Variants in NOMO1 observed in about 807,000 individuals in gnomAD.
NOMO1 encodes NODAL modulator 1.
A neutral mutation model predicts 133.8 loss-of-function variants in NOMO1; 40 were observed. The ratio of observed to expected loss-of-function variants is 0.30; its 90% CI spans 0.23 to 0.39. The LOEUF (loss-of-function observed/expected upper bound fraction) is 0.39. NOMO1 is among the 10% of genes least tolerant of loss of function. The pLI is 1.00. For missense variants in NOMO1, 462 were observed against 1,419.9 expected (o/e 0.33, Z 10.84); for synonymous variants, 236 against 570.5 (o/e 0.41, Z 8.36).
intron 9 of NOMO1, among the ~76,000 whole-genome samples, chr16:14,854,768 CA>C (rs1190928617): frequency 6.7e-6 from 1 of 148,614 alleles, no homozygotes; most frequent in Non-Finnish European, 1.5e-5. Context: ...AGGGTGGAGA[CA>C]GGGGTTGCAG....
Position 14,866,631 on chromosome 16 carries a change from A to T in NOMO1, c.1746A>T (p.Ala582=), listed in dbSNP as rs566062971. ...EVEVLEDDMS[A]VEFRQTGYML... ...AAGTGCTGGAGGATGACATGTCTGC[A>T]GTTGAGTTCAGGCAGACGGGCTACA... The change falls in exon 15 of 31, where the codon GCA becomes GCT. Residue 582 remains alanine, a synonymous_variant. Coordinates refer to ENST00000287667, the MANE Select transcript of NOMO1 (RefSeq NM_014287.4). 6.2e-7 allele frequency: 1 copy of T among 1,609,936 alleles called. No individual in the cohort carries two copies. Among genetic ancestry groups the T allele is most frequent in the South Asian group, 1.1e-5 (1 of 90,924 alleles).
At chr16:14,839,646 A>AT (rs1365133699) in intron 2 of NOMO1, among the ~76,000 whole-genome samples, 2 of 149,994 alleles carry the variant, frequency 1.3e-5, no homozygotes, top group Non-Finnish European at 3.0e-5. Context: ...CTGCAGTTTC[A>AT]TTTTTTCCCC....
chr16:14,860,541 A>G (rs1963908665), intron 11 of NOMO1, among the ~76,000 whole-genome samples: 4 of 151,716 alleles, frequency 2.6e-5, no homozygotes, highest in Non-Finnish European at 5.9e-5. Flanking sequence ...GAGATATGGT[A>G]GTGGCCGGGC....
At chr16:14,892,265 G>T (rs1438953832) in intron 29 of NOMO1, among the ~76,000 whole-genome samples, 1 of 151,834 alleles carries the variant, frequency 6.6e-6, no homozygotes, top group Non-Finnish European at 1.5e-5. Context: ...GAAAGTGCCA[G>T]AAAGATAAGC....
At chr16:14,838,187 A>G (rs1963548562) in intron 1 of NOMO1, among the ~76,000 whole-genome samples, 1 of 152,090 alleles carries the variant, frequency 6.6e-6, no homozygotes, top group African/African-American at 2.4e-5. Context: ...AAGGCATTGT[A>G]ATAGGCTGTA....
chr16:14,880,204 CTG>C, intron 24 of NOMO1, 62 bp downstream of exon 24: 1 of 1,414,654 alleles, frequency 7.1e-7, no homozygotes, highest in Non-Finnish European at 9.8e-7. Context: ...ATTCAGGCCT[CTG>C]TTGCCTGGAA....
intron 1 of NOMO1, among the ~76,000 whole-genome samples, 193 bp from the exon 2 acceptor site, chr16:14,838,214 A>G (rs1162599450): frequency 1.3e-5 from 2 of 152,052 alleles, no homozygotes; most frequent in Non-Finnish European, 2.9e-5. Flanking sequence ...TTCTAATCTG[A>G]AAAACATTGA....
chr16:14,840,939 T>G (rs1963596318), intron 2 of NOMO1, among the ~76,000 whole-genome samples: 1 of 151,598 alleles, frequency 6.6e-6, no homozygotes, highest in Non-Finnish European at 1.5e-5. Flanking sequence ...AGTGTTGGGA[T>G]TATAGGTGTG....
At chr16:14,884,183 C>G (rs909041024) in intron 26 of NOMO1, among the ~76,000 whole-genome samples, 189 bp from the exon 27 acceptor site, 19 of 151,912 alleles carry the variant, frequency 1.3e-4, no homozygotes, top group Non-Finnish European at 2.8e-4. Flanking sequence ...TGAAATGTGT[C>G]TATGGGCCAG....
chr16:14,891,954 G>A (rs1272531575), intron 29 of NOMO1, among the ~76,000 whole-genome samples: 1 of 152,120 alleles, frequency 6.6e-6, no homozygotes, highest in African/African-American at 2.4e-5. Flanking sequence ...GAAAGTGCCG[G>A]AGAGGGCTAG....
intron 1 of NOMO1, among the ~76,000 whole-genome samples, chr16:14,836,640 T>C (rs1218552659): frequency 6.6e-6 from 1 of 151,924 alleles, no homozygotes; most frequent in Non-Finnish European, 1.5e-5. Flanking sequence ...CTGTGTTGCC[T>C]TTTTCTTCAG....
chr16:14,859,059 A>G (rs1963884586), intron 11 of NOMO1, among the ~76,000 whole-genome samples: 1 of 152,024 alleles, frequency 6.6e-6, no homozygotes, highest in African/African-American at 2.4e-5. Context: ...ATTTGGCCGC[A>G]GGTGGCAGCC....
intron 4 of NOMO1, among the ~76,000 whole-genome samples, chr16:14,845,298 A>G (rs548522685): frequency 1.3e-5 from 2 of 152,008 alleles, no homozygotes; most frequent in Admixed American, 6.5e-5. Context: ...TCCACTTCCC[A>G]TAGTGCTGGG....
chr16:14,860,556 G>A (rs1289475338), intron 11 of NOMO1, among the ~76,000 whole-genome samples: 3 of 151,888 alleles, frequency 2.0e-5, no homozygotes, highest in East Asian at 1.9e-4. Flanking sequence ...CCGGGCCCAG[G>A]CGGCTGGCAG....
chr16:14,868,448 A>C, intron 15 of NOMO1, 100 bp from the exon 16 acceptor site: 1 of 692,604 alleles, frequency 1.4e-6, no homozygotes. Context: ...CCAATGATTA[A>C]TGGGCAAAAC....
At chr16:14,892,905 G>A (rs561490460) in intron 29 of NOMO1, among the ~76,000 whole-genome samples, 2 of 96,844 alleles carry the variant, frequency 2.1e-5, no homozygotes, top group African/African-American at 2.9e-5. Flanking sequence ...AGCTTTGCAC[G>A]TTCACGGGGG....
chr16:14,867,797 G>A (rs1597105016), intron 15 of NOMO1, among the ~76,000 whole-genome samples: 1 of 148,566 alleles, frequency 6.7e-6, no homozygotes, highest in East Asian at 2.0e-4. Flanking sequence ...TGTTATAGGA[G>A]ATCGATTAAT....
intron 29 of NOMO1, among the ~76,000 whole-genome samples, chr16:14,894,281 G>C (rs554120335): frequency 5.3e-5 from 8 of 152,228 alleles, no homozygotes; most frequent in African/African-American, 1.4e-4. Context: ...TGGGGCAATT[G>C]GCCAAATGCT....
Position 14,881,575 on chromosome 16 carries a change from GAGCCCGAACA to G in NOMO1, c.2920_2929del (p.Pro974GlyfsTer20), listed in dbSNP as rs752304662. The G allele has an allele frequency of 6.2e-7, 1 of 1,609,258 alleles. No homozygotes were observed. The highest frequency in any genetic ancestry group is 8.5e-7 in the Non-Finnish European group (1 of 1,178,508). ...TGGCACAGTGTCTTCCTTAAACGGA[GAGCCCGAACA>G]AGGGGTTGCCATGGAAGCGGTGGGC... On this transcript the variant is annotated frameshift_variant, in exon 25 of 31. Transcript: ENST00000287667. LOFTEE classifies it high-confidence loss of function.
Sources: allele counts gnomAD v4.1 joint callset (sites outside exome capture counted in the v4.1 genomes callset), GRCh38; gene constraint gnomAD v4.1.1; transcripts MANE v1.5; gene names NCBI Gene and HGNC (gene_info 2026-07-23, HGNC 2026-07-21).